Variants in CSMD1 observed in about 807,000 individuals in gnomAD.
CSMD1 encodes CUB and sushi domain-containing protein 1.
In CSMD1, 213 loss-of-function variants were observed where a neutral mutation model predicts 417.5. The ratio of observed to expected loss-of-function variants is 0.51; its 90% CI spans 0.46 to 0.57. CSMD1 has a LOEUF of 0.57. Among genes scored for constraint, CSMD1 ranks in the 20% least tolerant of loss-of-function variants. The probability of loss-of-function intolerance (pLI) is 0.00; values close to 1 mark genes in which losing one functional copy is unlikely to be tolerated. For missense variants in CSMD1, 6,923 were observed against 4,529.7 expected (o/e 1.53, Z -15.17); for synonymous variants, 2,862 against 1,736.8 (o/e 1.65, Z -16.11).
chr8:3,570,834 G>C (rs966815949), intron 10 of CSMD1, among the ~76,000 whole-genome samples: 1 of 152,082 alleles, frequency 6.6e-6, no homozygotes, highest in African/African-American at 2.4e-5. Context: ...TTCACTTTCC[G>C]GGATCTTGAC....
At chr8:3,943,999 A>G (rs984392266) in intron 5 of CSMD1, among the ~76,000 whole-genome samples, 3 of 152,150 alleles carry the variant, frequency 2.0e-5, no homozygotes, top group Non-Finnish European at 4.4e-5. Context: ...AATCAGAGTT[A>G]ATATATTGAC....
intron 1 of CSMD1, among the ~76,000 whole-genome samples, chr8:4,656,989 G>T (rs908696384): frequency 1.3e-5 from 2 of 152,040 alleles, no homozygotes; most frequent in Non-Finnish European, 2.9e-5. Context: ...AGAGATGGAC[G>T]ATCCTCAAAA....
At chr8:4,209,252 G>C (rs1460834773) in intron 3 of CSMD1, among the ~76,000 whole-genome samples, 1 of 152,136 alleles carries the variant, frequency 6.6e-6, no homozygotes, top group African/African-American at 2.4e-5. Context: ...AAACGAAAAA[G>C]AGGCAGCCAG....
At chr8:3,986,175 C>G (rs1255396772) in intron 5 of CSMD1, among the ~76,000 whole-genome samples, 2 of 152,108 alleles carry the variant, frequency 1.3e-5, no homozygotes, top group African/African-American at 4.8e-5. Flanking sequence ...CCAAAGAGCC[C>G]TTTTATTTTA....
chr8:3,945,413 G>C (rs1019135499), intron 5 of CSMD1, among the ~76,000 whole-genome samples: 1 of 151,898 alleles, frequency 6.6e-6, no homozygotes, highest in African/African-American at 2.4e-5. Context: ...CTTTTTTGGG[G>C]GGGCATATTA....
Position 4,994,320 on chromosome 8 carries a change from A to T in CSMD1, c.85+12T>A. ...TCTACCGCCTCCCCGGCCAGGAGCA[A>T]GTCCGTCTTACCCTTCGCTGCAGTG... On this transcript the variant is annotated intron_variant, in intron 1 of 69. Coordinates refer to ENST00000635120, the MANE Select transcript of CSMD1 (RefSeq NM_033225.6). The T allele has an allele frequency of 6.2e-7, 1 of 1,608,422 alleles. No individual in the cohort carries two copies. The highest frequency in any genetic ancestry group is 2.2e-5 in the East Asian group (1 of 44,828).
intron 1 of CSMD1, among the ~76,000 whole-genome samples, chr8:4,703,732 A>C (rs1363914342): frequency 6.6e-6 from 1 of 152,202 alleles, no homozygotes; most frequent in Admixed American, 6.5e-5. Flanking sequence ...AAAAATCTTA[A>C]AGTGATTTTA....
At chr8:4,741,181 G>A (rs1332049114) in intron 1 of CSMD1, among the ~76,000 whole-genome samples, 1 of 152,116 alleles carries the variant, frequency 6.6e-6, no homozygotes, top group South Asian at 2.1e-4. Flanking sequence ...TTATGTAAGT[G>A]TCAGAGGCAT....
intron 1 of CSMD1, among the ~76,000 whole-genome samples, chr8:4,955,140 G>C (rs753578639): frequency 1.3e-5 from 2 of 152,100 alleles, no homozygotes; most frequent in African/African-American, 2.4e-5. Context: ...TGCACCTCCA[G>C]TTCCCTATAT....
intron 1 of CSMD1, among the ~76,000 whole-genome samples, chr8:4,880,869 A>C (rs1334780918): frequency 6.6e-6 from 1 of 152,140 alleles, no homozygotes; most frequent in Non-Finnish European, 1.5e-5. Context: ...ATTTAGTATT[A>C]TTCATGCTTT....
chr8:4,330,808 C>T (rs1462063572), intron 3 of CSMD1, among the ~76,000 whole-genome samples: 1 of 152,086 alleles, frequency 6.6e-6, no homozygotes, highest in Non-Finnish European at 1.5e-5. Context: ...TCTTCTGAAG[C>T]ACTGTTCATT....
chr8:3,155,845 C>G (rs1007321810), intron 39 of CSMD1, among the ~76,000 whole-genome samples: 2 of 152,162 alleles, frequency 1.3e-5, no homozygotes, highest in African/African-American at 4.8e-5. Context: ...ACGTTCTCTC[C>G]TGGATGAGCC....
intron 7 of CSMD1, among the ~76,000 whole-genome samples, chr8:3,643,572 G>A (rs776122458): frequency 2.0e-5 from 3 of 151,874 alleles, no homozygotes; most frequent in Admixed American, 6.6e-5. Context: ...GTGGTGGCGG[G>A]CGCCTGTAGT....
intron 3 of CSMD1, among the ~76,000 whole-genome samples, chr8:4,405,313 G>C (rs928447938): frequency 1.3e-5 from 2 of 151,648 alleles, no homozygotes; most frequent in Admixed American, 6.6e-5. Context: ...CTTCCACTTA[G>C]TTTTTTTCTC....
intron 1 of CSMD1, among the ~76,000 whole-genome samples, chr8:4,745,686 A>G (rs1023469814): frequency 1.6e-4 from 25 of 152,204 alleles, no homozygotes; most frequent in Non-Finnish European, 3.4e-4. Flanking sequence ...AAGCTTTCAC[A>G]ATTCTTAGCT....
chr8:4,137,627 TCA>T lies in CSMD1; in HGVS notation c.416-105530_416-105529del, dbSNP rs549925247. On this transcript the variant is annotated intron_variant, in intron 3 of 69. Transcript: ENST00000635120. Reference sequence around the variant, plus strand: ...TACAAAAAAGACAACTGTTAATTGATCACATTTTTATAAGCAGTTTCAATATA... The same window carrying T: ...TACAAAAAAGACAACTGTTAATTGATCATTTTTATAAGCAGTTTCAATATA... Among the ~76,000 whole-genome samples the T allele has an allele frequency of 3.0e-4, 39 of 131,652 alleles. 3 individuals are homozygous for T. The East Asian group carries it at 5.0e-3, about 17-fold the overall frequency. 86.4% of individuals were successfully genotyped at this position (131,652 alleles called of 152,430 possible).
At chr8:3,129,749 G>A (rs1032276031) in intron 41 of CSMD1, among the ~76,000 whole-genome samples, 2 of 152,022 alleles carry the variant, frequency 1.3e-5, no homozygotes, top group Non-Finnish European at 2.9e-5. Context: ...AGCACTTTGG[G>A]AGGCTGAGGC....
At chr8:3,008,359 C>T (rs1808119741) in intron 52 of CSMD1, among the ~76,000 whole-genome samples, 1 of 152,190 alleles carries the variant, frequency 6.6e-6, no homozygotes, top group African/African-American at 2.4e-5. Context: ...TTATCACCCG[C>T]ACAGTGTGGC....
rs1324348069 is a variant in CSMD1, at chr8:3,199,108, C to T, written c.5194+606G>A. On this transcript the variant is annotated intron_variant, in intron 33 of 69. Transcript: ENST00000635120. ...AAGTGAAACAAATTAGGAGAAAATT[C>T]TTTACTTTGCAGAATCTTTGAGCAA... 2.1e-4 allele frequency among the ~76,000 whole-genome samples: 32 copies of T among 152,084 alleles called. 1 individual carries two copies. The highest frequency in any genetic ancestry group is 2.0e-3 in the Admixed American group (31 of 15,276).
Sources: gnomAD v4.1 joint callset for allele counts (sites outside exome capture counted in the v4.1 genomes callset) on GRCh38, gnomAD v4.1.1 for gene constraint, MANE v1.5 for transcripts, NCBI Gene and HGNC (gene_info 2026-07-23, HGNC 2026-07-21) for gene names.